Variants in ATIC observed in about 807,000 individuals in gnomAD.
The protein encoded by ATIC is bifunctional purine biosynthesis protein ATIC.
A neutral mutation model predicts 72.5 loss-of-function variants in ATIC; 64 were observed. That is an observed-to-expected ratio of 0.88 (90% confidence interval 0.72 to 1.09). ATIC has a LOEUF of 1.09. ATIC is among the 50% of genes least tolerant of loss of function. The probability of loss-of-function intolerance (pLI) is 0.00; values close to 1 mark genes in which losing one functional copy is unlikely to be tolerated. For missense variants in ATIC, 787 were observed against 732.4 expected (o/e 1.07, Z -0.86); for synonymous variants, 281 against 267.1 (o/e 1.05, Z -0.51).
chr2:215,331,682 CA>C, intron 7 of ATIC, among the ~76,000 whole-genome samples: 1 of 152,114 alleles, frequency 6.6e-6, no homozygotes, highest in African/African-American at 2.4e-5. Context: ...GTACCCGGCT[CA>C]TTTTTGTTTT....
At chr2:215,358,811 C>T in the ATIC span, among the ~76,000 whole-genome samples, 3 of 152,190 alleles carry the variant, frequency 2.0e-5, no homozygotes, top group African/African-American at 7.2e-5. Flanking sequence ...TTTTACATTT[C>T]AACATAAAAG....
At chr2:215,356,548 A>G in the ATIC span, among the ~76,000 whole-genome samples, 2 of 152,180 alleles carry the variant, frequency 1.3e-5, no homozygotes, top group African/African-American at 4.8e-5. Flanking sequence ...AACAATCACC[A>G]TTATCTAGTT....
chr2:215,350,893 C>T (rs1180313150), downstream of ATIC, among the ~76,000 whole-genome samples: 1 of 152,182 alleles, frequency 6.6e-6, no homozygotes, highest in Non-Finnish European at 1.5e-5. Context: ...TTTAACTTAT[C>T]CCCTTGCTAA....
At chr2:215,349,313 C>A (rs781303804) in intron 15 of ATIC, 64 bp downstream of exon 15, 1 of 1,608,912 alleles carries the variant, frequency 6.2e-7, no homozygotes, top group Admixed American at 1.7e-5. Context: ...TTTCAGAAAT[C>A]CTGCTTTTGA....
At position 215,326,985 on chromosome 2, in the gene ATIC, C is replaced by T; in HGVS notation, c.688+7C>T. ...CCCAAGCTTCCCATCACAGGTAAAGCCCGAGCGTTCTGTGGCATGGTTTGC... is the reference window on the plus strand; with the variant it reads ...CCCAAGCTTCCCATCACAGGTAAAGTCCGAGCGTTCTGTGGCATGGTTTGC... On this transcript the variant is annotated splice_region_variant and intron_variant, in intron 7 of 15. Coordinates refer to ENST00000236959, the MANE Select transcript of ATIC (RefSeq NM_004044.7). 1 of 1,614,134 alleles carries T rather than the reference C, an allele frequency of 6.2e-7. No homozygotes were observed. Among genetic ancestry groups the T allele is most frequent in the Non-Finnish European group, 8.5e-7 (1 of 1,180,040 alleles).
chr2:215,348,060 C>T (rs971094057), intron 14 of ATIC, among the ~76,000 whole-genome samples: 2 of 152,156 alleles, frequency 1.3e-5, no homozygotes, highest in African/African-American at 4.8e-5. Context: ...CATACTTCCC[C>T]TGAAGCCCTT....
At chr2:215,350,798 C>G (rs1191214722), downstream of ATIC, among the ~76,000 whole-genome samples, 1 of 152,172 alleles carries the variant, frequency 6.6e-6, no homozygotes, top group East Asian at 1.9e-4. Flanking sequence ...TGCTCCTGAC[C>G]ATTCCCGTGC....
chr2:215,368,448 CG>C, the ATIC span, among the ~76,000 whole-genome samples: 1 of 151,980 alleles, frequency 6.6e-6, no homozygotes, highest in Non-Finnish European at 1.5e-5. Context: ...GCAATACTAG[CG>C]TAATAATAAA....
the ATIC span, chr2:215,365,031 A>T: frequency 8.1e-7 from 1 of 1,232,596 alleles, no homozygotes; most frequent in Non-Finnish European, 1.2e-6. Context: ...TGAGAACAAT[A>T]CTGCAGACTT....
At chr2:215,318,705 A>G (rs77580868) in intron 3 of ATIC, among the ~76,000 whole-genome samples, 1,717 of 152,240 alleles carry the variant, frequency 0.011, 32 homozygotes, top group African/African-American at 0.039. Flanking sequence ...GTTGTGGTAC[A>G]ATTTGGTGAA....
chr2:215,347,227 G>A lies in ATIC; in HGVS notation c.1503+286G>A, dbSNP rs2053081048. The A allele has an allele frequency of 9.2e-5, 40 of 433,204 alleles. 1 individual carries two copies. The highest frequency in any genetic ancestry group is 8.2e-4 in the South Asian group (39 of 47,374). The allele number at this position is 433,204 out of a possible 1,614,324, so 26.8% of individuals were successfully genotyped here. A position where few individuals can be genotyped will look rare whatever the true frequency, so the allele number is the denominator to read the frequency against. The stretch of plus-strand genomic sequence containing the variant: ...TTTGTACTTCCCCTGTTGATTATAA[G>A]CTTTTGATGACAAGGACTGCTTTTC... On this transcript the variant is annotated intron_variant, in intron 14 of 15. Coordinates refer to ENST00000236959, the MANE Select transcript of ATIC (RefSeq NM_004044.7).
At chr2:215,318,964 T>C (rs1412233592) in intron 3 of ATIC, among the ~76,000 whole-genome samples, 1 of 151,942 alleles carries the variant, frequency 6.6e-6, no homozygotes, top group African/African-American at 2.4e-5. Context: ...GCAGCCTCTG[T>C]CTGCTTCCCA....
chr2:215,326,552 G>T (rs2052828423), intron 6 of ATIC, among the ~76,000 whole-genome samples: 1 of 151,400 alleles, frequency 6.6e-6, no homozygotes, highest in African/African-American at 2.4e-5. Context: ...GGAAGTTGCA[G>T]TAAGCTGACA....
chr2:215,361,471 CT>C, the ATIC span: 25 of 994,422 alleles, frequency 2.5e-5, no homozygotes, highest in South Asian at 3.2e-4. Flanking sequence ...AAGAAGAACT[CT>C]AAGCTGGGTC....
At chr2:215,350,500 A>G (rs1415290468), downstream of ATIC, among the ~76,000 whole-genome samples, 1 of 152,184 alleles carries the variant, frequency 6.6e-6, no homozygotes, top group Non-Finnish European at 1.5e-5. Context: ...CAAACAGCAG[A>G]TTGGCACCTG....
Position 215,325,231 on chromosome 2 carries a change from T to C in ATIC, c.291-10T>C, listed in dbSNP as rs964508906. On this transcript the variant is annotated splice_polypyrimidine_tract_variant and intron_variant, in intron 4 of 15. Coordinates refer to ENST00000236959, the MANE Select transcript of ATIC (RefSeq NM_004044.7). ...TTTTAATGACAGCCAGATTCGTCTT[T>C]GTTTTATAGAGTTGTTGCCTGCAAT... 1.2e-6 allele frequency: 2 copies of C among 1,610,664 alleles called. No homozygotes were observed. Among genetic ancestry groups the C allele is most frequent in the Non-Finnish European group, 1.7e-6 (2 of 1,176,916 alleles).
chr2:215,341,495 T>G (rs1218767040), intron 12 of ATIC, among the ~76,000 whole-genome samples: 5 of 152,236 alleles, frequency 3.3e-5, no homozygotes, highest in African/African-American at 1.2e-4. Context: ...ATATGAATTC[T>G]TAGTAGAAAT....
chr2:215,352,486 G>C (rs2053137981), downstream of ATIC, among the ~76,000 whole-genome samples: 1 of 151,990 alleles, frequency 6.6e-6, no homozygotes, highest in Non-Finnish European at 1.5e-5. Context: ...GGAGGCTGAG[G>C]CAGGAGAATT....
the ATIC span, chr2:215,365,383 C>T: frequency 1.9e-6 from 2 of 1,044,798 alleles, no homozygotes; most frequent in South Asian, 1.3e-5. Context: ...GATTAAGAAA[C>T]CCACTGTTCA....
Sources: gnomAD v4.1 joint callset for allele counts (sites outside exome capture counted in the v4.1 genomes callset) on GRCh38, gnomAD v4.1.1 for gene constraint, MANE v1.5 for transcripts, NCBI Gene and HGNC (gene_info 2026-07-23, HGNC 2026-07-21) for gene names.